The following FN1 variants were observed in gnomAD, a reference collection of about 807,000 sequenced individuals.
FN1 encodes fibronectin 1.
FN1 carries 106 observed loss-of-function variants against 297.3 expected under a neutral mutation model. That is an observed-to-expected ratio of 0.36 (90% CI 0.30 to 0.42). FN1 has a LOEUF of 0.42. Ranked by LOEUF, FN1 falls within the 10% of genes least tolerant of loss-of-function variation. The probability of loss-of-function intolerance (pLI) is 1.00; values close to 1 mark genes in which losing one functional copy is unlikely to be tolerated. For synonymous variants in FN1, 1,149 were observed against 1,152.6 expected (o/e 1.00, Z 0.06); for missense variants, 2,690 against 3,124.9 (o/e 0.86, Z 3.32).
At chr2:215,411,517 G>A (rs2062622274) in intron 13 of FN1, among the ~76,000 whole-genome samples, 1 of 152,122 alleles carries the variant, frequency 6.6e-6, no homozygotes, top group African/African-American at 2.4e-5. Context: ...TTTTCAACAT[G>A]AGCTTGTTTG....
chr2:215,395,188 T>G (rs2060171120), intron 23 of FN1, among the ~76,000 whole-genome samples: 1 of 152,126 alleles, frequency 6.6e-6, no homozygotes, highest in African/African-American at 2.4e-5. Flanking sequence ...CAGAGAGCTC[T>G]CCTAATTTAA....
At position 215,414,858 on chromosome 2, in the gene FN1, C is replaced by T; in HGVS notation, c.1920G>A (p.Lys640=). The T allele has an allele frequency of 4.3e-6, 7 of 1,613,824 alleles. No individual in the cohort carries two copies. Among genetic ancestry groups the T allele is most frequent in the Non-Finnish European group, 5.9e-6 (7 of 1,179,830 alleles). Residue 640 remains lysine (K), a synonymous_variant, in exon 13 of 46, where the codon AAG becomes AAA. Coordinates refer to ENST00000354785, the MANE Select transcript of FN1 (RefSeq NM_212482.4). The part of the protein sequence containing the change: ...WNAPQPSHIS[K]YILRWRPKNS... ...TCACAGGTCTCCACCTGAGAATGTA[C>T]TTGGAAATGTGAGATGGCTGTGGTG...
chr2:215,381,118 G>C, intron 32 of FN1, 38 bp from the exon 33 acceptor site: 3 of 1,608,682 alleles, frequency 1.9e-6, no homozygotes, highest in East Asian at 2.2e-5. Context: ...TATGTGAAAA[G>C]CAAGTTGTGA....
chr2:215,435,749 C>G lies in FN1; in HGVS notation c.54G>C (p.Gly18=), dbSNP rs149268490. The part of the protein sequence containing the change: ...GLLLLAVQCL[G]TAVPSTGASK... ...AGGCTCCCGTGGAGGGCACCGCTGT[C>G]CCCAGGCACTGGACGGCCAGCAGCA... is the stretch of plus-strand genomic sequence containing the variant. The change falls in exon 1 of 46, where the codon GGG becomes GGC. Residue 18 remains glycine (G), a synonymous_variant. Transcript: ENST00000354785. The G allele has an allele frequency of 1.2e-3, 1,931 of 1,602,748 alleles. 7 individuals are homozygous for G. Among genetic ancestry groups the G allele is most frequent in the Non-Finnish European group, 1.3e-3 (1,479 of 1,175,506 alleles).
chr2:215,391,863 A>T, intron 25 of FN1, 49 bp from the exon 26 acceptor site: 1 of 1,530,914 alleles, frequency 6.5e-7, no homozygotes, highest in Non-Finnish European at 9.0e-7. Context: ...TTTAAAATTA[A>T]AGCTAACGAA....
chr2:215,396,130 A>C (rs918326900), intron 23 of FN1, among the ~76,000 whole-genome samples: 1 of 152,234 alleles, frequency 6.6e-6, no homozygotes, highest in Non-Finnish European at 1.5e-5. Flanking sequence ...AGAACTATAT[A>C]ATACTTTTTT....
intron 40 of FN1, 136 bp from the exon 41 acceptor site, chr2:215,370,568 A>AT (rs2055782715): frequency 1.3e-6 from 1 of 766,764 alleles, no homozygotes; most frequent in East Asian, 2.8e-5. Flanking sequence ...AAAAAAAAAA[A>AT]GAGGGAGGGT....
Position 215,397,232 on chromosome 2 carries a change from A to C in FN1, c.3518-9T>G, listed in dbSNP as rs762490340. On this transcript the variant is annotated splice_polypyrimidine_tract_variant and intron_variant, in intron 22 of 45. Transcript: ENST00000354785. ...TGTTGGTGGAGACAATGCTATGCAG[A>C]AAGAACATTTTAAAAGTCAAAGCTG... 4 of 1,603,778 alleles carry C rather than the reference A, an allele frequency of 2.5e-6. No individual in the cohort carries two copies.
At chr2:215,396,958 T>G (rs567151056) in intron 23 of FN1, among the ~76,000 whole-genome samples, 179 bp downstream of exon 23, 2 of 152,248 alleles carry the variant, frequency 1.3e-5, no homozygotes, top group African/African-American at 2.4e-5. Context: ...GAAGTCAACG[T>G]GCATTAAAGC....
chr2:215,430,825 C>G lies in FN1; in HGVS notation c.575G>C (p.Gly192Ala). 1 of 1,614,100 alleles carries G rather than the reference C, an allele frequency of 6.2e-7. No individual in the cohort carries two copies. The change falls in exon 5 of 46, where the codon GGG (glycine) becomes GCG (alanine). Residue 192 changes from glycine to alanine, a missense_variant. By Grantham distance (60) the Gly-to-Ala change is moderately conservative. Coordinates refer to ENST00000354785, the MANE Select transcript of FN1 (RefSeq NM_212482.4). ...IAEKCFDHAA[G>A]TSYVVGETWE... ...CGTTTCTCCGACCACATAGGAAGTC[C>G]CAGCAGCATGATCAAAACACTTCTC...
intron 17 of FN1, 125 bp downstream of exon 17, chr2:215,407,982 AC>A: frequency 8.5e-6 from 5 of 590,602 alleles, no homozygotes; most frequent in Non-Finnish European, 1.5e-5. Flanking sequence ...ACACACACAA[AC>A]CCCTCTCCCA....
chr2:215,423,209 C>CAA (rs970121029), intron 9 of FN1, 141 bp downstream of exon 9: 3 of 760,146 alleles, frequency 3.9e-6, no homozygotes, highest in Non-Finnish European at 6.7e-6. Flanking sequence ...CACACACACA[C>CAA]ACAAACACAC....
chr2:215,365,757 T>C (rs1192430982), intron 42 of FN1, 127 bp from the exon 43 acceptor site: 1 of 722,356 alleles, frequency 1.4e-6, no homozygotes, highest in Non-Finnish European at 2.3e-6. Flanking sequence ...AAGTTAAAGA[T>C]AAAAACCCCT....
At chr2:215,383,573 C>T in intron 30 of FN1, 90 bp from the exon 31 acceptor site, 2 of 1,335,576 alleles carry the variant, frequency 1.5e-6, no homozygotes, top group Non-Finnish European at 2.2e-6. Context: ...GGTACATATT[C>T]GAATGATCGC....
rs374429913 is a variant in FN1, at chr2:215,406,320, G to A, written c.2904C>T (p.Ser968=). The change falls in exon 19 of 46, where the codon TCC becomes TCT. Residue 968 remains serine, a synonymous_variant. Coordinates refer to ENST00000354785, the MANE Select transcript of FN1 (RefSeq NM_212482.4). ...CTTTGAAGTAATAGGTGACCCCAGG[G>A]GACAGCCCGGTGACTTCTGCAAAGG... ...RNTFAEVTGL[S]PGVTYYFKVF... 6.8e-6 allele frequency: 11 copies of A among 1,614,056 alleles called. No homozygotes were observed. The highest frequency in any genetic ancestry group is 9.3e-6 in the Non-Finnish European group (11 of 1,180,042).
In FN1 at chr2:215,399,300, G is replaced by A; in HGVS notation, c.3305C>T (p.Thr1102Ile). The A allele has an allele frequency of 6.2e-7, 1 of 1,614,022 alleles. No individual in the cohort carries two copies. The highest frequency in any genetic ancestry group is 8.5e-7 in the Non-Finnish European group (1 of 1,179,920). The part of the protein sequence containing the change: ...PPYNTEVTET[T>I]IVITWTPAPR... Reference sequence around the variant, plus strand: ...AGCAGGCGTCCATGTGATCACAATGGTGGTCTCAGTCACCTCGGTGTTGTA... The same window carrying A: ...AGCAGGCGTCCATGTGATCACAATGATGGTCTCAGTCACCTCGGTGTTGTA... The change falls in exon 21 of 46, where the codon ACC becomes ATC. Residue 1102 changes from threonine to isoleucine, a missense_variant. Around this residue, in one of 3 missense-constraint regions of FN1, gnomAD observed 1,743 missense variants for 1,945.2 expected, o/e 0.90. Transcript: ENST00000354785.
chr2:215,396,624 T>G (rs1410131024), intron 23 of FN1, among the ~76,000 whole-genome samples: 2 of 152,180 alleles, frequency 1.3e-5, no homozygotes, highest in Non-Finnish European at 2.9e-5. Context: ...ATTTAAAATG[T>G]GTGACTATGA....
chr2:215,436,044 C>T lies in FN1; in HGVS notation c.-242G>A, dbSNP rs1477778371. On this transcript the variant is annotated 5_prime_UTR_variant, in exon 1 of 46. Transcript: ENST00000354785. ...CGCGCCTGGGGTTCCCTCTCCTCCC[C>T]CTGTGCAGCACAGCCGGCGCGGGCG... is the stretch of plus-strand genomic sequence containing the variant. The T allele has an allele frequency of 3.8e-6, 3 of 793,974 alleles. No homozygotes were observed. The highest frequency in any genetic ancestry group is 2.1e-5 in the South Asian group (1 of 46,912). The allele number at this position is 793,974 out of a possible 1,614,324, so 49.2% of individuals were successfully genotyped here.
At chr2:215,425,332 A>T (rs1394651753) in intron 6 of FN1, 47 bp from the exon 7 acceptor site, 1 of 1,553,912 alleles carries the variant, frequency 6.4e-7, no homozygotes, top group African/African-American at 1.4e-5. Flanking sequence ...GAGAGAAGAC[A>T]ATTCACTACT....
Sources: allele counts gnomAD v4.1 joint callset (sites outside exome capture counted in the v4.1 genomes callset), GRCh38; gene constraint gnomAD v4.1.1; regional missense constraint gnomAD v4.1.1; transcripts MANE v1.5; gene names NCBI Gene and HGNC (gene_info 2026-07-23, HGNC 2026-07-21).